The following GRID1 variants were observed in gnomAD, a reference collection of about 807,000 sequenced individuals.
GRID1 encodes glutamate receptor ionotropic, delta-1.
In GRID1, 28 loss-of-function variants were observed where a neutral mutation model predicts 98.0. The ratio of observed to expected loss-of-function variants is 0.29; its 90% CI spans 0.21 to 0.39. The LOEUF (loss-of-function observed/expected upper bound fraction) is 0.39, where lower values mean the gene tolerates loss of function less well. GRID1 is among the 10% of genes least tolerant of loss of function. The pLI, the probability that GRID1 is intolerant of heterozygous loss-of-function variation, is 1.00. For synonymous variants in GRID1, 553 were observed against 538.5 expected (o/e 1.03, Z -0.37); for missense variants, 1,111 against 1,340.5 (o/e 0.83, Z 2.67).
At chr10:85,701,589 G>C (rs1353123477) in intron 12 of GRID1, among the ~76,000 whole-genome samples, 1 of 152,118 alleles carries the variant, frequency 6.6e-6, no homozygotes, top group Non-Finnish European at 1.5e-5. Context: ...AGACTTGAAA[G>C]GGTGATTCTA....
intron 5 of GRID1, among the ~76,000 whole-genome samples, chr10:85,876,560 T>C (rs1263888891): frequency 1.3e-5 from 2 of 152,222 alleles, no homozygotes; most frequent in East Asian, 3.9e-4. Context: ...GGATTAGGCC[T>C]TGGATATCTT....
At position 85,991,320 on chromosome 10, in the gene GRID1, A is replaced by G. The variant is rs142377893; in HGVS notation, c.727-75081T>C. 5.7e-3 allele frequency among the ~76,000 whole-genome samples: 868 copies of G among 152,246 alleles called. 6 individuals are homozygous for G. Among genetic ancestry groups the G allele is most frequent in the Middle Eastern group, 0.01 (3 of 294 alleles). On this transcript the variant is annotated intron_variant, in intron 4 of 15. Transcript: ENST00000327946. ...TGAGAGGTGGGCAAAGTAGGGGAGG[A>G]GCAAAGTAGAGAATTCTTTTTGGGA...
chr10:86,199,349 A>C (rs1269045718), intron 3 of GRID1, among the ~76,000 whole-genome samples: 1 of 152,172 alleles, frequency 6.6e-6, no homozygotes, highest in East Asian at 1.9e-4. Context: ...TAATATATTT[A>C]ACCAATTTGC....
intron 8 of GRID1, among the ~76,000 whole-genome samples, chr10:85,741,396 T>C (rs1408978680): frequency 1.3e-5 from 2 of 152,150 alleles, no homozygotes; most frequent in Non-Finnish European, 2.9e-5. Flanking sequence ...GCTTGATATG[T>C]CTTTACCACT....
intron 4 of GRID1, among the ~76,000 whole-genome samples, chr10:86,117,259 C>T (rs565925458): frequency 2.0e-5 from 3 of 151,842 alleles, no homozygotes; most frequent in East Asian, 3.9e-4. Context: ...ACCACTATCA[C>T]CACCACCAGC....
In GRID1 at chr10:85,939,155, G is replaced by A. The variant is rs373818033; in HGVS notation, c.727-22916C>T. On this transcript the variant is annotated intron_variant, in intron 4 of 15. Transcript: ENST00000327946. The stretch of plus-strand genomic sequence containing the variant: ...CTGCCAGCCTACCTGGACTGCCTCC[G>A]GGGGACCCCTGATTCCTCCAACCTG... Among the ~76,000 whole-genome samples the A allele has an allele frequency of 2.4e-3, 371 of 152,238 alleles. 3 individuals carry two copies. Among genetic ancestry groups the A allele is most frequent in the African/African-American group, 8.4e-3 (350 of 41,536 alleles).
intron 2 of GRID1, among the ~76,000 whole-genome samples, chr10:86,249,548 T>C (rs1433036311): frequency 6.6e-6 from 1 of 152,134 alleles, no homozygotes; most frequent in African/African-American, 2.4e-5. Flanking sequence ...CAAGCTCCTC[T>C]CCTACCACAC....
chr10:85,961,138 A>G (rs564339993), intron 4 of GRID1, among the ~76,000 whole-genome samples: 34 of 152,282 alleles, frequency 2.2e-4, no homozygotes, highest in African/African-American at 7.9e-4. Flanking sequence ...ACAGAGTGAT[A>G]ATAACACATT....
At chr10:86,021,061 TGC>T (rs1843042444) in intron 4 of GRID1, among the ~76,000 whole-genome samples, 1 of 151,948 alleles carries the variant, frequency 6.6e-6, no homozygotes, top group Non-Finnish European at 1.5e-5. Flanking sequence ...CCTGCCTGCC[TGC>T]CTGCCTGCCT....
intron 4 of GRID1, among the ~76,000 whole-genome samples, chr10:85,961,977 GA>G (rs1842273756): frequency 6.6e-6 from 1 of 152,140 alleles, no homozygotes; most frequent in African/African-American, 2.4e-5. Context: ...AAGGAAGGAA[GA>G]AAAGAAGAAA....
intron 12 of GRID1, among the ~76,000 whole-genome samples, chr10:85,679,842 C>T (rs1293326037): frequency 2.6e-5 from 4 of 152,216 alleles, no homozygotes; most frequent in Non-Finnish European, 4.4e-5. Context: ...GATATTAACA[C>T]ACTCCAGCGC....
chr10:85,761,242 T>C (rs938038111), intron 8 of GRID1, among the ~76,000 whole-genome samples: 2 of 152,206 alleles, frequency 1.3e-5, no homozygotes. Context: ...CTCCTGGTCA[T>C]ATATCAAGTG....
intron 12 of GRID1, among the ~76,000 whole-genome samples, chr10:85,657,653 A>G (rs1343816515): frequency 6.6e-6 from 1 of 152,130 alleles, no homozygotes; most frequent in Non-Finnish European, 1.5e-5. Context: ...AGGTGCTTGA[A>G]CCAAAGAACT....
intron 2 of GRID1, among the ~76,000 whole-genome samples, chr10:86,281,181 G>A (rs993182166): frequency 6.6e-5 from 10 of 152,242 alleles, no homozygotes; most frequent in African/African-American, 1.2e-4. Flanking sequence ...GTTGGAAGAG[G>A]GGGGAGGAAG....
At chr10:86,095,016 G>C (rs1332507130) in intron 4 of GRID1, among the ~76,000 whole-genome samples, 2 of 152,108 alleles carry the variant, frequency 1.3e-5, no homozygotes, top group Non-Finnish European at 2.9e-5. Flanking sequence ...CAATGGAACA[G>C]AATAGAGAAA....
chr10:86,308,340 C>T (rs1180785456), intron 2 of GRID1, among the ~76,000 whole-genome samples: 1 of 152,224 alleles, frequency 6.6e-6, no homozygotes, highest in Admixed American at 6.5e-5. Flanking sequence ...GCCCCTGGTC[C>T]CAGCCCCAGA....
intron 2 of GRID1, among the ~76,000 whole-genome samples, chr10:86,226,918 G>C (rs1846360385): frequency 6.6e-6 from 1 of 152,094 alleles, no homozygotes; most frequent in Non-Finnish European, 1.5e-5. Flanking sequence ...CCAGGCCTCA[G>C]CCTTGCTGCT....
chr10:86,073,630 G>A (rs565130492), intron 4 of GRID1, among the ~76,000 whole-genome samples: 5 of 152,200 alleles, frequency 3.3e-5, no homozygotes, highest in Non-Finnish European at 7.3e-5. Flanking sequence ...CTGTCTTCCA[G>A]GGACAACTAA....
At chr10:86,122,829 C>T (rs1041183743) in intron 4 of GRID1, among the ~76,000 whole-genome samples, 4 of 152,212 alleles carry the variant, frequency 2.6e-5, no homozygotes, top group African/African-American at 9.6e-5. Flanking sequence ...CCACCCCTGA[C>T]GTGTGAGCAC....
Sources: allele counts gnomAD v4.1 joint callset (sites outside exome capture counted in the v4.1 genomes callset), GRCh38; gene constraint gnomAD v4.1.1; transcripts MANE v1.5; gene names NCBI Gene and HGNC (gene_info 2026-07-23, HGNC 2026-07-21).